Variants in TMEM244 observed in about 807,000 individuals in gnomAD.
The protein encoded by TMEM244 is putative transmembrane protein 244.
TMEM244 carries 13 observed loss-of-function variants against 15.8 expected under a neutral mutation model. That is an observed-to-expected ratio of 0.82 (90% CI 0.53 to 1.30). TMEM244 has a LOEUF of 1.30. Among genes scored for constraint, TMEM244 ranks in the 50% most tolerant of loss-of-function variants. TMEM244 has a pLI of 0.00. For synonymous variants in TMEM244, 45 were observed against 48.7 expected (o/e 0.92, Z 0.32); for missense variants, 161 against 144.9 (o/e 1.11, Z -0.57).
At position 129,853,828 on chromosome 6, in the gene TMEM244, C is replaced by T. The variant is rs536496044; in HGVS notation, c.33+7328G>A. On this transcript the variant is annotated intron_variant, in intron 1 of 4. Transcript: ENST00000368143. The stretch of plus-strand genomic sequence containing the variant: ...ATATGAGCATGTGCACGTGGCATCC[C>T]TAAGGATTCAGAGCTTAAGTGGAGC... 7.9e-5 allele frequency among the ~76,000 whole-genome samples: 12 copies of T among 152,314 alleles called. No homozygotes were observed. In the East Asian group the frequency reaches 2.3e-3, roughly 29 times the overall value.
At chr6:129,835,831 A>C (rs535979565) in intron 3 of TMEM244, among the ~76,000 whole-genome samples, 164 of 151,384 alleles carry the variant, frequency 1.1e-3, no homozygotes, top group African/African-American at 3.7e-3. Flanking sequence ...TAGACCTGCG[A>C]CGCTGCATCT....
At chr6:129,856,141 C>T (rs1387980567) in intron 1 of TMEM244, among the ~76,000 whole-genome samples, 2 of 152,000 alleles carry the variant, frequency 1.3e-5, no homozygotes, top group Non-Finnish European at 2.9e-5. Context: ...AATTAATTAA[C>T]ATCATGATTC....
chr6:129,850,561 T>C (rs962200283), intron 1 of TMEM244, among the ~76,000 whole-genome samples: 3 of 152,196 alleles, frequency 2.0e-5, no homozygotes, highest in African/African-American at 7.2e-5. Context: ...CAGTTCTAAA[T>C]GATTGGAATT....
intron 3 of TMEM244, among the ~76,000 whole-genome samples, chr6:129,839,521 G>A (rs577458570): frequency 2.6e-5 from 4 of 152,198 alleles, no homozygotes; most frequent in Non-Finnish European, 5.9e-5. Context: ...ACTGGCACAA[G>A]AAAAGGATGC....
intron 1 of TMEM244, among the ~76,000 whole-genome samples, chr6:129,849,457 A>G (rs1212031550): frequency 2.6e-5 from 4 of 151,978 alleles, no homozygotes; most frequent in Non-Finnish European, 1.5e-5. Context: ...CCCTCACATC[A>G]TTATCAGGAT....
intron 2 of TMEM244, among the ~76,000 whole-genome samples, chr6:129,843,970 C>G (rs9492397): frequency 9.9e-5 from 15 of 152,062 alleles, no homozygotes; most frequent in Non-Finnish European, 2.2e-4. Flanking sequence ...AGATGTAAAA[C>G]AGGTTCACCT....
intron 3 of TMEM244, among the ~76,000 whole-genome samples, chr6:129,841,668 CA>C (rs543465755): frequency 2.0e-5 from 3 of 152,012 alleles, no homozygotes; most frequent in South Asian, 2.1e-4. Flanking sequence ...TTATTTATCT[CA>C]AAAAAATTGT....
intron 1 of TMEM244, among the ~76,000 whole-genome samples, chr6:129,850,500 A>G (rs1257879997): frequency 6.6e-6 from 1 of 152,206 alleles, no homozygotes; most frequent in Non-Finnish European, 1.5e-5. Context: ...TCTATCTCCC[A>G]ATTTTCCAAC....
chr6:129,847,152 G>A lies in TMEM244; in HGVS notation c.34-1300C>T, dbSNP rs545168277. Among the ~76,000 whole-genome samples the A allele has an allele frequency of 3.9e-5, 6 of 152,108 alleles. No individual in the cohort carries two copies. The East Asian group carries it at 1.2e-3, about 29-fold the overall frequency. On this transcript the variant is annotated intron_variant, in intron 1 of 4. Transcript: ENST00000368143. The stretch of plus-strand genomic sequence containing the variant: ...AAAAATGGACAAAGTATGTAAATAG[G>A]CAATTCACATGAAGAAACACCTAAA...
chr6:129,860,744 T>C (rs1776796993), intron 1 of TMEM244, among the ~76,000 whole-genome samples: 1 of 151,746 alleles, frequency 6.6e-6, no homozygotes, highest in Non-Finnish European at 1.5e-5. Flanking sequence ...CAGCTTGAAA[T>C]GTTTCAACAC....
chr6:129,854,483 C>A (rs1345864646), intron 1 of TMEM244, among the ~76,000 whole-genome samples: 1 of 152,114 alleles, frequency 6.6e-6, no homozygotes, highest in African/African-American at 2.4e-5. Flanking sequence ...AAAATAATCA[C>A]ACAGAAAATA....
At chr6:129,851,152 C>T (rs1776633065) in intron 1 of TMEM244, among the ~76,000 whole-genome samples, 1 of 152,184 alleles carries the variant, frequency 6.6e-6, no homozygotes, top group Non-Finnish European at 1.5e-5. Context: ...AATCCCAGCT[C>T]ATGTGGCCTA....
At chr6:129,849,065 G>A (rs1253726327) in intron 1 of TMEM244, among the ~76,000 whole-genome samples, 2 of 151,936 alleles carry the variant, frequency 1.3e-5, no homozygotes, top group Non-Finnish European at 2.9e-5. Context: ...CCTACAAATA[G>A]TAAATCTGTG....
chr6:129,841,024 C>T (rs991024770), intron 3 of TMEM244, among the ~76,000 whole-genome samples: 4 of 152,298 alleles, frequency 2.6e-5, no homozygotes, highest in South Asian at 4.1e-4. Flanking sequence ...GGCGATCCCT[C>T]AAGGATCTAG....
At chr6:129,854,349 AT>A (rs1437819791) in intron 1 of TMEM244, among the ~76,000 whole-genome samples, 1 of 152,236 alleles carries the variant, frequency 6.6e-6, no homozygotes, top group African/African-American at 2.4e-5. Flanking sequence ...AGTACCCCAG[AT>A]AAAAGCAATC....
chr6:129,853,529 T>C (rs912523657), intron 1 of TMEM244, among the ~76,000 whole-genome samples: 1 of 152,184 alleles, frequency 6.6e-6, no homozygotes, highest in Non-Finnish European at 1.5e-5. Flanking sequence ...TTGTGCACAT[T>C]TATGATGTAA....
At chr6:129,842,910 C>A (rs893698327) in intron 3 of TMEM244, among the ~76,000 whole-genome samples, 1 of 150,172 alleles carries the variant, frequency 6.7e-6, no homozygotes, top group Non-Finnish European at 1.5e-5. Flanking sequence ...AATAACTATT[C>A]AACAAAAATG....
At chr6:129,845,902 G>T in intron 1 of TMEM244, 50 bp from the exon 2 acceptor site, 1 of 1,230,264 alleles carries the variant, frequency 8.1e-7, no homozygotes. Flanking sequence ...TTTTCACATG[G>T]TCTTTGGTAA....
intron 1 of TMEM244, among the ~76,000 whole-genome samples, chr6:129,846,383 CT>C (rs1272159009): frequency 6.6e-6 from 1 of 152,068 alleles, no homozygotes; most frequent in Non-Finnish European, 1.5e-5. Context: ...TTGGAACTAT[CT>C]TTTTAATTAA....
Sources: allele counts gnomAD v4.1 joint callset (sites outside exome capture counted in the v4.1 genomes callset), GRCh38; gene constraint gnomAD v4.1.1; transcripts MANE v1.5; gene names NCBI Gene and HGNC (gene_info 2026-07-23, HGNC 2026-07-21).